The following TPO variants were observed in gnomAD, a reference collection of about 807,000 sequenced individuals.
TPO encodes the protein thyroid peroxidase, also known as thyroid microsomal antigen.
A neutral mutation model predicts 96.9 loss-of-function variants in TPO; 78 were observed. The ratio of observed to expected loss-of-function variants is 0.81; its 90% CI spans 0.67 to 0.97. The LOEUF is 0.97. Ranked by LOEUF, TPO falls within the 50% of genes least tolerant of loss-of-function variation. The pLI is 0.00. For missense variants in TPO, 1,252 were observed against 1,274.8 expected (o/e 0.98, Z 0.27); for synonymous variants, 547 against 538.0 (o/e 1.02, Z -0.23).
At chr2:1,383,674 C>T (rs1346601381) in intron 1 of TPO, among the ~76,000 whole-genome samples, 1 of 152,108 alleles carries the variant, frequency 6.6e-6, no homozygotes, top group East Asian at 1.9e-4. Context: ...CTGTAGGTTG[C>T]CTGTTCACTC....
chr2:1,382,856 C>A (rs946765614), intron 1 of TPO, among the ~76,000 whole-genome samples: 1 of 149,980 alleles, frequency 6.7e-6, no homozygotes, highest in Admixed American at 6.7e-5. Flanking sequence ...AGGTATATCT[C>A]CTAATGCTAT....
chr2:1,487,949 G>C lies in TPO; in HGVS notation c.1726G>C (p.Ala576Pro). The C allele has an allele frequency of 6.2e-7, 1 of 1,613,988 alleles. No individual in the cohort carries two copies. Among genetic ancestry groups the C allele is most frequent in the Non-Finnish European group, 8.5e-7 (1 of 1,180,026 alleles). The part of the protein sequence containing the change: ...VLSNSSTLDL[A>P]SINLQRGRDH... ...GTCCAATTCCAGCACCTTGGATCTG[G>C]CGTCCATCAACCTGCAGAGGGGCCG... Residue 576 changes from alanine (A) to proline (P), a missense_variant, in exon 10 of 17, where the codon GCG becomes CCG. Transcript: ENST00000329066.
chr2:1,534,317 C>T (rs1272446741), intron 15 of TPO, among the ~76,000 whole-genome samples: 2 of 149,862 alleles, frequency 1.3e-5, no homozygotes, highest in Non-Finnish European at 3.0e-5. Flanking sequence ...TGCGCAACCT[C>T]ATCAAATTTT....
intron 13 of TPO, among the ~76,000 whole-genome samples, chr2:1,503,537 T>C (rs1573456665): frequency 6.6e-6 from 1 of 152,240 alleles, no homozygotes; most frequent in East Asian, 1.9e-4. Flanking sequence ...CAGTCCTTGC[T>C]CTCAGAGGAC....
intron 10 of TPO, among the ~76,000 whole-genome samples, chr2:1,492,218 G>A (rs1301570220): frequency 6.6e-6 from 1 of 152,140 alleles, no homozygotes; most frequent in Non-Finnish European, 1.5e-5. Context: ...GCAATGGGGT[G>A]ATCTCGGCTC....
At position 1,436,310 on chromosome 2, in the gene TPO, C is replaced by T. The variant is rs1291335870; in HGVS notation, c.408C>T (p.Tyr136=). ...CAAACATGTCTGGATGTCTCCCTTA[C>T]ATGCTGCCCCCAAAATGCCCAAACA... ...IIANMSGCLP[Y]MLPPKCPNTC... The change falls in exon 5 of 17, where the codon TAC becomes TAT. Residue 136 remains tyrosine (Y), a synonymous_variant. Transcript: ENST00000329066. 1.9e-6 allele frequency: 3 copies of T among 1,614,226 alleles called. No individual in the cohort carries two copies. The East Asian group carries it at 6.7e-5, about 36-fold the overall frequency.
At chr2:1,480,559 T>TACACACACACACAC (rs3036105) in intron 8 of TPO, among the ~76,000 whole-genome samples, 1,552 of 44,316 alleles carry the variant, frequency 0.035, 110 homozygotes, top group African/African-American at 0.044. Context: ...TCAAACCCCC[T>TACACACACACACAC]ACACACACAC....
At chr2:1,454,533 C>T (rs1667612220) in intron 6 of TPO, among the ~76,000 whole-genome samples, 1 of 152,102 alleles carries the variant, frequency 6.6e-6, no homozygotes. Flanking sequence ...CCTGGTATTC[C>T]CAGAAGCCGT....
intron 15 of TPO, among the ~76,000 whole-genome samples, chr2:1,518,503 T>C (rs1260508567): frequency 6.6e-6 from 1 of 152,204 alleles, no homozygotes; most frequent in Non-Finnish European, 1.5e-5. Context: ...GGCTGAGATA[T>C]GGTAGTAAAG....
intron 14 of TPO, 78 bp downstream of exon 14, chr2:1,504,157 C>A: frequency 6.2e-7 from 1 of 1,602,352 alleles, no homozygotes; most frequent in South Asian, 1.1e-5. Flanking sequence ...TCAAGTTAGG[C>A]AACTGTCAAT....
intron 5 of TPO, among the ~76,000 whole-genome samples, chr2:1,450,446 A>T (rs1667208062): frequency 6.6e-6 from 1 of 152,236 alleles, no homozygotes; most frequent in South Asian, 2.1e-4. Context: ...AGTCTCCCTC[A>T]TAAAACTCTC....
intron 15 of TPO, among the ~76,000 whole-genome samples, chr2:1,535,169 G>A: frequency 6.6e-5 from 1 of 15,060 alleles, no homozygotes; most frequent in Non-Finnish European, 1.3e-4. Flanking sequence ...CCCATTGTGG[G>A]CAACCACACC....
chr2:1,422,383 G>C (rs1663811337), intron 2 of TPO, among the ~76,000 whole-genome samples: 1 of 151,732 alleles, frequency 6.6e-6, no homozygotes, highest in Non-Finnish European at 1.5e-5. Flanking sequence ...ACCTCGTGCA[G>C]GCGCCGCGCT....
At chr2:1,474,744 C>T (rs1669741080) in intron 7 of TPO, among the ~76,000 whole-genome samples, 1 of 152,020 alleles carries the variant, frequency 6.6e-6, no homozygotes, top group African/African-American at 2.4e-5. Context: ...CCTGGTTCTT[C>T]TCATCTCTCC....
chr2:1,389,442 C>T (rs541891825), intron 1 of TPO, among the ~76,000 whole-genome samples: 1 of 152,288 alleles, frequency 6.6e-6, no homozygotes, highest in East Asian at 1.9e-4. Flanking sequence ...ATCTCAGTTT[C>T]ACTTACTCAT....
rs866413161 is a variant in TPO, at chr2:1,422,374, C to G, written c.95-671C>G. Among the ~76,000 whole-genome samples, 39 of 145,628 alleles carry G rather than the reference C, an allele frequency of 2.7e-4. 1 individual carries two copies. The highest frequency in any genetic ancestry group is 8.6e-4 in the African/African-American group (35 of 40,816). ...TCGTGCAGGCGCCGCGCTGGACCGA[C>G]CTCGTGCAGGCGCCGCGCTGGGCCA... On this transcript the variant is annotated intron_variant, in intron 2 of 16. Transcript: ENST00000329066.
chr2:1,471,167 G>A (rs1226679698), intron 7 of TPO, among the ~76,000 whole-genome samples: 2 of 152,010 alleles, frequency 1.3e-5, no homozygotes, highest in African/African-American at 4.8e-5. Context: ...ATCAAATTTG[G>A]GCTTTTTGTT....
intron 8 of TPO, among the ~76,000 whole-genome samples, chr2:1,480,409 T>A (rs922991579): frequency 3.9e-5 from 6 of 152,180 alleles, no homozygotes; most frequent in African/African-American, 1.4e-4. Flanking sequence ...AGCCTCATTT[T>A]TCTCTCCCTG....
At chr2:1,427,199 A>AG (rs1387204169) in intron 3 of TPO, among the ~76,000 whole-genome samples, 1 of 152,142 alleles carries the variant, frequency 6.6e-6, no homozygotes, top group Non-Finnish European at 1.5e-5. Context: ...ACATCTGGGG[A>AG]GGGGGGCCCT....
Sources: gnomAD v4.1 joint callset for allele counts (sites outside exome capture counted in the v4.1 genomes callset) on GRCh38, gnomAD v4.1.1 for gene constraint, MANE v1.5 for transcripts, NCBI Gene and HGNC (gene_info 2026-07-23, HGNC 2026-07-21) for gene names.